FRMPD4: variants seen among roughly 807,000 people sequenced by gnomAD.
The protein encoded by FRMPD4 is FERM and PDZ domain containing 4, also known as FERM and PDZ domain-containing protein 4.
A neutral mutation model predicts 94.1 loss-of-function variants in FRMPD4; 22 were observed. The ratio of observed to expected loss-of-function variants is 0.23; its 90% CI spans 0.17 to 0.33. FRMPD4 has a LOEUF of 0.33. Among genes scored for constraint, FRMPD4 ranks in the 10% least tolerant of loss-of-function variants. The pLI is 1.00. For synonymous variants in FRMPD4, 631 were observed against 548.6 expected, an observed-to-expected ratio of 1.15 and a Z score of -2.10; for missense variants, 1,111 against 1,339.9, an observed-to-expected ratio of 0.83 and a Z score of 2.67.
At chrX:12,621,595 G>A (rs190153561) in intron 4 of FRMPD4, among the ~76,000 whole-genome samples, 1,319 of 73,440 alleles carry the variant, frequency 0.018, 46 homozygotes, top group African/African-American at 0.065. Flanking sequence ...GCCAAGGCAG[G>A]CAGATGGCTT....
chrX:12,028,131 G>A (rs1011441924), intron 3 of FRMPD4, among the ~76,000 whole-genome samples: 3 of 111,892 alleles, frequency 2.7e-5, no homozygotes, highest in Non-Finnish European at 5.6e-5. Context: ...ATGTCAGCCA[G>A]GCTGAGTCCA....
intron 3 of FRMPD4, among the ~76,000 whole-genome samples, chrX:11,964,426 G>C (rs1312937041): frequency 9.0e-6 from 1 of 110,905 alleles, no homozygotes; most frequent in African/African-American, 3.3e-5. Flanking sequence ...TTACATGCGT[G>C]AGCCACCATA....
At chrX:11,950,960 G>T (rs2054218941) in intron 3 of FRMPD4, among the ~76,000 whole-genome samples, 1 of 106,478 alleles carries the variant, frequency 9.4e-6, no homozygotes, top group East Asian at 3.0e-4. Flanking sequence ...TCAGGAGACT[G>T]AGGCAGGAGA....
At chrX:12,649,124 G>A (rs953236698) in intron 4 of FRMPD4, among the ~76,000 whole-genome samples, 1 of 111,855 alleles carries the variant, frequency 8.9e-6, no homozygotes. Flanking sequence ...CCATAAGACG[G>A]GATTCCATCC....
intron 2 of FRMPD4, among the ~76,000 whole-genome samples, chrX:12,540,234 G>C (rs747561700): frequency 9.0e-6 from 1 of 111,332 alleles, no homozygotes; most frequent in Non-Finnish European, 1.9e-5. Context: ...AATCCACACA[G>C]AACAATATTA....
chrX:12,378,363 G>A (rs1039893453), intron 1 of FRMPD4, among the ~76,000 whole-genome samples: 2 of 112,582 alleles, frequency 1.8e-5, no homozygotes, highest in East Asian at 2.8e-4. Flanking sequence ...TAGTTTTAAC[G>A]GGAGCGAAGC....
At chrX:11,885,290 C>A (rs952246105) in intron 3 of FRMPD4, among the ~76,000 whole-genome samples, 5 of 111,082 alleles carry the variant, frequency 4.5e-5, no homozygotes, top group African/African-American at 1.6e-4. Flanking sequence ...AGACAAAGTG[C>A]TATATGATTC....
At chrX:12,187,821 TA>T (rs1235946418) in intron 1 of FRMPD4, among the ~76,000 whole-genome samples, 1 of 111,940 alleles carries the variant, frequency 8.9e-6, no homozygotes, top group Non-Finnish European at 1.9e-5. Context: ...ACACTAGGTA[TA>T]AATTTAAAAT....
In FRMPD4 at chrX:12,208,465, GAA is replaced by G. The variant is rs202094769; in HGVS notation, c.41+69463_41+69464del. Among the ~76,000 whole-genome samples, 8 of 103,484 alleles carry G rather than the reference GAA, an allele frequency of 7.7e-5. No homozygotes were observed. The East Asian group carries it at 1.5e-3, about 20-fold the overall frequency. The allele number at this position is 103,484 out of a possible 115,157, so 89.9% of individuals were successfully genotyped here. ...GAGAGAGAAGAAACCACTGCACCCT[GAA>G]AAAAAAAAATCCCAATTAGAAATCC... On this transcript the variant is annotated intron_variant, in intron 1 of 16. Transcript: ENST00000675598.
intron 3 of FRMPD4, among the ~76,000 whole-genome samples, chrX:12,010,897 T>C (rs947899749): frequency 1.8e-5 from 2 of 111,912 alleles, no homozygotes; most frequent in African/African-American, 6.5e-5. Context: ...GAAGAAAAGA[T>C]AGCCCAAGAA....
chrX:12,232,916 A>G (rs2057029409), intron 1 of FRMPD4, among the ~76,000 whole-genome samples: 1 of 112,210 alleles, frequency 8.9e-6, no homozygotes, highest in Admixed American at 9.4e-5. Flanking sequence ...AAGTAAGTAC[A>G]GGATTCTTTC....
intron 1 of FRMPD4, among the ~76,000 whole-genome samples, chrX:11,863,856 G>T (rs973932574): frequency 8.9e-6 from 1 of 111,853 alleles, no homozygotes; most frequent in South Asian, 3.7e-4. Flanking sequence ...CAATGTCTTA[G>T]CTTACAGTGC....
chrX:12,097,239 G>A (rs1329042306), intron 3 of FRMPD4, among the ~76,000 whole-genome samples: 1 of 111,668 alleles, frequency 9.0e-6, no homozygotes, highest in East Asian at 2.8e-4. Flanking sequence ...GTTAGAACTG[G>A]AAGGATCTAA....
At chrX:12,166,690 T>C (rs2056125375) in intron 1 of FRMPD4, among the ~76,000 whole-genome samples, 1 of 111,326 alleles carries the variant, frequency 9.0e-6, no homozygotes, top group Admixed American at 9.5e-5. Flanking sequence ...CTGGACTTTT[T>C]TTGGTTGGTA....
chrX:12,541,432 CAAACTA>C (rs2058410537), intron 2 of FRMPD4, among the ~76,000 whole-genome samples: 2 of 111,795 alleles, frequency 1.8e-5, no homozygotes, highest in Non-Finnish European at 3.8e-5. Flanking sequence ...CACAGAAATA[CAAACTA>C]CCATCAGAGA....
intron 3 of FRMPD4, among the ~76,000 whole-genome samples, chrX:11,932,924 A>G (rs1039873411): frequency 1.8e-5 from 2 of 111,485 alleles, no homozygotes; most frequent in African/African-American, 6.5e-5. Context: ...TGGCACATAC[A>G]TACAGTTGTT....
chrX:12,657,368 C>T (rs753791722), intron 4 of FRMPD4, among the ~76,000 whole-genome samples: 22 of 111,698 alleles, frequency 2.0e-4, no homozygotes, highest in Non-Finnish European at 2.8e-4. Context: ...AACTTTTGGC[C>T]GGGACCTCCC....
chrX:12,269,045 G>C (rs1003683365), intron 1 of FRMPD4, among the ~76,000 whole-genome samples: 1 of 112,240 alleles, frequency 8.9e-6, no homozygotes, highest in African/African-American at 3.2e-5. Flanking sequence ...AAAATGGAGA[G>C]TGAGAGGTAA....
chrX:12,099,756 T>G, intron 3 of FRMPD4, among the ~76,000 whole-genome samples: 2 of 112,402 alleles, frequency 1.8e-5, no homozygotes, highest in Non-Finnish European at 3.8e-5. Flanking sequence ...TTGAAAAAGT[T>G]ATTATGCCAA....
Sources: gnomAD v4.1 joint callset for allele counts (sites outside exome capture counted in the v4.1 genomes callset) on GRCh38, gnomAD v4.1.1 for gene constraint, MANE v1.5 for transcripts, NCBI Gene and HGNC (gene_info 2026-07-23, HGNC 2026-07-21) for gene names.